The following GLG1 variants were observed in gnomAD, a reference collection of about 807,000 sequenced individuals.
GLG1 encodes Golgi apparatus protein 1.
Under a neutral mutation model 160.5 loss-of-function variants are expected in GLG1, and 38 were observed. The ratio of observed to expected loss-of-function variants is 0.24; its 90% confidence interval spans 0.18 to 0.31. GLG1 has a LOEUF of 0.31. GLG1 is among the 10% of genes least tolerant of loss of function. GLG1 has a pLI of 1.00. For missense variants in GLG1, 1,373 were observed against 1,505.2 expected (o/e 0.91, Z 1.45); for synonymous variants, 644 against 543.4 (o/e 1.19, Z -2.57).
Position 74,516,785 on chromosome 16 carries a change from G to C in GLG1, c.472-7860C>G, listed in dbSNP as rs764950485. 3.3e-5 allele frequency among the ~76,000 whole-genome samples: 5 copies of C among 152,076 alleles called. No homozygotes were observed. The Middle Eastern group carries it at 0.014, about 414-fold the overall frequency. Reference sequence around the variant, plus strand: ...AATCCAGGAGCTGTTTTTTTGAAAAGATCAACAAAATAGATAGACTGCTAG... The same window carrying C: ...AATCCAGGAGCTGTTTTTTTGAAAACATCAACAAAATAGATAGACTGCTAG... On this transcript the variant is annotated intron_variant, in intron 2 of 25. Transcript: ENST00000422840.
intron 1 of GLG1, among the ~76,000 whole-genome samples, chr16:74,583,192 G>A (rs1957975669): frequency 6.6e-6 from 1 of 152,106 alleles, no homozygotes. Context: ...CATTCTTTAA[G>A]AGGGCTTGGC....
intron 1 of GLG1, among the ~76,000 whole-genome samples, chr16:74,588,946 T>C (rs1457924846): frequency 6.6e-6 from 1 of 151,458 alleles, no homozygotes; most frequent in Non-Finnish European, 1.5e-5. Flanking sequence ...TTAAATCAAA[T>C]GTATTTGGTG....
chr16:74,518,173 T>C (rs551700162), intron 2 of GLG1, among the ~76,000 whole-genome samples: 56 of 152,304 alleles, frequency 3.7e-4, no homozygotes, highest in Non-Finnish European at 7.5e-4. Context: ...TGCCACTGAC[T>C]TTCTTCACAG....
At chr16:74,479,321 C>T (rs2143302252) in intron 11 of GLG1, among the ~76,000 whole-genome samples, 1 of 150,694 alleles carries the variant, frequency 6.6e-6, no homozygotes, top group African/African-American at 2.4e-5. Flanking sequence ...AAACCAGCAC[C>T]ACAGACTCCA....
Position 74,496,486 on chromosome 16 carries a change from A to G in GLG1, c.933T>C (p.His311=), listed in dbSNP as rs2016192900. The change falls in exon 5 of 26, where the codon CAT becomes CAC. Residue 311 remains histidine (H), a synonymous_variant. Coordinates refer to ENST00000422840, the MANE Select transcript of GLG1 (RefSeq NM_001145667.2). ...GATCATCTCGGCAAGCAAAATATAAATGCCGGTCTAAGTGAAAGTCATCCG... is the reference window on the plus strand; with the variant it reads ...GATCATCTCGGCAAGCAAAATATAAGTGCCGGTCTAAGTGAAAGTCATCCG... ...LSSDDFHLDR[H]LYFACRDDRE... The G allele has an allele frequency of 1.9e-6, 3 of 1,613,976 alleles. No individual in the cohort carries two copies. Among genetic ancestry groups the G allele is most frequent in the Non-Finnish European group, 2.5e-6 (3 of 1,179,976 alleles).
At chr16:74,584,258 C>A (rs149528365) in intron 1 of GLG1, among the ~76,000 whole-genome samples, 98 of 152,272 alleles carry the variant, frequency 6.4e-4, no homozygotes, top group African/African-American at 2.2e-3. Context: ...TGCTCAGGAC[C>A]CTTCCCACTA....
At chr16:74,500,396 C>T (rs1422509829) in intron 4 of GLG1, among the ~76,000 whole-genome samples, 2 of 151,600 alleles carry the variant, frequency 1.3e-5, no homozygotes, top group Non-Finnish European at 2.9e-5. Flanking sequence ...TGCCTTGATC[C>T]GTTTTTAGAA....
In GLG1 at chr16:74,462,615, G is replaced by C. The variant is rs745439118; in HGVS notation, c.2807C>G (p.Pro936Arg). 2 of 1,614,064 alleles carry C rather than the reference G, an allele frequency of 1.2e-6. No individual in the cohort carries two copies. Residue 936 changes from proline (P) to arginine (R), a missense_variant, in exon 21 of 26, where the codon CCC (proline) becomes CGC (arginine). Physicochemically the swap from Pro to Arg is moderately radical, Grantham distance 103. This residue lies in a region of GLG1 where 491 missense variants were observed against 632.1 expected (regional missense o/e 0.78). Transcript: ENST00000422840. ...ITQNTDYRLN[P>R]MLRKACKADI... Reference sequence around the variant, plus strand: ...AGCTTTACAGGCTTTTCTTAACATGGGGTTTAAGCGGTAATCTAGAGTAGA... The same window carrying C: ...AGCTTTACAGGCTTTTCTTAACATGCGGTTTAAGCGGTAATCTAGAGTAGA...
rs757438234 is a variant in GLG1, at chr16:74,607,089, C to T, written c.6G>A (p.Ala2=). Residue 2 remains alanine (A), a synonymous_variant, in exon 1 of 26, where the codon GCG becomes GCA. Coordinates refer to ENST00000422840, the MANE Select transcript of GLG1 (RefSeq NM_001145667.2). Reference sequence around the variant, plus strand: ...ACATCCTCCGTACACGTCCACACGCCGCCATCTTGAGTCCGCGGCGAGCTC... The same window carrying T: ...ACATCCTCCGTACACGTCCACACGCTGCCATCTTGAGTCCGCGGCGAGCTC... M[A]ACGRVRRMFR... The T allele has an allele frequency of 1.1e-5, 17 of 1,541,074 alleles. No individual in the cohort carries two copies. The Admixed American group carries it at 3.2e-4, about 29-fold the overall frequency.
intron 11 of GLG1, among the ~76,000 whole-genome samples, chr16:74,478,468 A>G (rs2015472213): frequency 6.6e-6 from 1 of 152,202 alleles, no homozygotes; most frequent in African/African-American, 2.4e-5. Flanking sequence ...AAAGAAAAAA[A>G]AGCCAGCATA....
intron 2 of GLG1, among the ~76,000 whole-genome samples, chr16:74,511,261 T>C (rs748177705): frequency 3.3e-5 from 5 of 152,072 alleles, no homozygotes; most frequent in Non-Finnish European, 7.4e-5. Flanking sequence ...CTGAGGAAGA[T>C]CTGAAGAAAA....
At chr16:74,559,009 T>C (rs2143729057) in intron 1 of GLG1, among the ~76,000 whole-genome samples, 1 of 152,256 alleles carries the variant, frequency 6.6e-6, no homozygotes, top group African/African-American at 2.4e-5. Flanking sequence ...CTCAGCCTCC[T>C]GAGCAGCTGG....
intron 23 of GLG1, among the ~76,000 whole-genome samples, chr16:74,459,235 T>G (rs971402899): frequency 1.3e-5 from 2 of 152,140 alleles, no homozygotes; most frequent in African/African-American, 2.4e-5. Flanking sequence ...TCCCAGCACT[T>G]TGGAAGGCCG....
chr16:74,548,418 A>G (rs907626488), intron 1 of GLG1, among the ~76,000 whole-genome samples: 31 of 152,364 alleles, frequency 2.0e-4, no homozygotes, highest in Non-Finnish European at 4.3e-4. Flanking sequence ...TCTTCTTAAG[A>G]TAACAGTCCA....
rs891828954 is a variant in GLG1, at chr16:74,493,258, C to A, written c.1051-118G>T. ...TACATGTCAACAACTGCAGTTATTA[C>A]CAACATATCTATCTTTAAGTTTGGT... On this transcript the variant is annotated intron_variant, in intron 6 of 25. Transcript: ENST00000422840. The A allele has an allele frequency of 8.9e-5, 55 of 615,726 alleles. 1 individual carries two copies. The South Asian group carries it at 1.0e-3, about 11-fold the overall frequency. 38.1% of individuals were successfully genotyped at this position (615,726 alleles called of 1,614,324 possible).
chr16:74,566,770 G>T lies in GLG1; in HGVS notation c.439-34617C>A, dbSNP rs576534493. Among the ~76,000 whole-genome samples the T allele has an allele frequency of 1.4e-4, 22 of 152,206 alleles. No homozygotes were observed. In the South Asian group the frequency reaches 4.4e-3, roughly 30 times the overall value. Reference sequence around the variant, plus strand: ...TCCCAACCCTAGAACTCAGAATGGAGAAAGTGCATAATAAATATCTGATGG... The same window carrying T: ...TCCCAACCCTAGAACTCAGAATGGATAAAGTGCATAATAAATATCTGATGG... On this transcript the variant is annotated intron_variant, in intron 1 of 25. Coordinates refer to ENST00000422840, the MANE Select transcript of GLG1 (RefSeq NM_001145667.2).
intron 13 of GLG1, among the ~76,000 whole-genome samples, chr16:74,473,594 C>T (rs1055317462): frequency 2.0e-5 from 3 of 151,710 alleles, no homozygotes; most frequent in South Asian, 4.2e-4. Flanking sequence ...CACCCGCCAC[C>T]ACACCTGACT....
chr16:74,506,602 A>AAAAAAAAG (rs1567489906), intron 3 of GLG1, among the ~76,000 whole-genome samples: 2 of 149,272 alleles, frequency 1.3e-5, no homozygotes, highest in Non-Finnish European at 3.0e-5. Flanking sequence ...AAAAAAAAAA[A>AAAAAAAAG]AACTCAAGAG....
At chr16:74,556,602 T>TA (rs1458134825) in intron 1 of GLG1, among the ~76,000 whole-genome samples, 1 of 152,110 alleles carries the variant, frequency 6.6e-6, no homozygotes, top group Non-Finnish European at 1.5e-5. Flanking sequence ...GAGGAATGCT[T>TA]AAGCCTAGCC....
Sources: allele counts gnomAD v4.1 joint callset (sites outside exome capture counted in the v4.1 genomes callset), GRCh38; gene constraint gnomAD v4.1.1; regional missense constraint gnomAD v4.1.1; transcripts MANE v1.5; gene names NCBI Gene and HGNC (gene_info 2026-07-23, HGNC 2026-07-21).